ZNF502: variants seen among roughly 807,000 people sequenced by gnomAD.
ZNF502 encodes the protein zinc finger protein 502.
A neutral mutation model predicts 43.6 loss-of-function variants in ZNF502; 29 were observed. The observed-to-expected ratio is 0.67, with a 90% CI of 0.50 to 0.91. The LOEUF is 0.91. Ranked by LOEUF, ZNF502 falls within the 40% of genes least tolerant of loss-of-function variation. The pLI is 0.00. For synonymous variants in ZNF502, 171 were observed against 207.4 expected (o/e 0.82, Z 1.51); for missense variants, 591 against 647.2 (o/e 0.91, Z 0.94).
At chr3:44,719,091 A>T (rs1016126868) in intron 1 of ZNF502, among the ~76,000 whole-genome samples, 1 of 151,144 alleles carries the variant, frequency 6.6e-6, no homozygotes, top group East Asian at 2.0e-4. Context: ...CTCCCGCCTC[A>T]TTCTCCCGAG....
intron 1 of ZNF502, among the ~76,000 whole-genome samples, chr3:44,716,695 G>A (rs998470100): frequency 2.6e-5 from 4 of 152,152 alleles, no homozygotes; most frequent in Admixed American, 1.3e-4. Context: ...CATTCGCACC[G>A]GTATGTGAGA....
At position 44,723,020 on chromosome 3, in the gene ZNF502, A is replaced by T. The variant is rs915237624; in HGVS notation, c.*568A>T. ...AAATCCATATCCATTCATTAAAAAA[A>T]TGAGATATAAAGCAACAACTGGGCT... On this transcript the variant is annotated 3_prime_UTR_variant, in exon 3 of 3. Transcript: ENST00000436624. 2 of 152,448 alleles carry T rather than the reference A, an allele frequency of 1.3e-5. No homozygotes were observed. The highest frequency in any genetic ancestry group is 2.9e-5 in the Non-Finnish European group (2 of 68,258). The allele number at this position is 152,448 out of a possible 1,614,324, so 9.4% of individuals were successfully genotyped here.
In ZNF502 at chr3:44,722,400, T is replaced by C; in HGVS notation, c.1583T>C (p.Phe528Ser). 1.2e-5 allele frequency: 19 copies of C among 1,614,128 alleles called. No homozygotes were observed. The highest frequency in any genetic ancestry group is 1.6e-5 in the Non-Finnish European group (19 of 1,180,020). ...PYECIECGKF[F>S]RHSSVLFRHQ... The stretch of plus-strand genomic sequence containing the variant: ...GAGTGTATTGAGTGTGGAAAGTTCT[T>C]CAGACATAGTTCAGTCCTTTTCAGA... The change falls in exon 3 of 3, where the codon TTC becomes TCC. Residue 528 changes from phenylalanine to serine, a missense_variant. Coordinates refer to ENST00000436624, the MANE Select transcript of ZNF502 (RefSeq NM_001134442.3).
chr3:44,715,240 C>T lies in ZNF502; in HGVS notation c.-60+2500C>T, dbSNP rs78691198. Reference sequence around the variant, plus strand: ...AATGCCAGTATATGTGTGCATATTTCTTGTTTTTTAGTGTTTTGTATCTTC... The same window carrying T: ...AATGCCAGTATATGTGTGCATATTTTTTGTTTTTTAGTGTTTTGTATCTTC... On this transcript the variant is annotated intron_variant, in intron 1 of 2. Transcript: ENST00000436624. 1.2e-4 allele frequency among the ~76,000 whole-genome samples: 18 copies of T among 152,092 alleles called. No homozygotes were observed. The East Asian group carries it at 3.1e-3, about 26-fold the overall frequency.
chr3:44,722,501 T>C lies in ZNF502; in HGVS notation c.*49T>C, dbSNP rs1242213067. The C allele has an allele frequency of 6.4e-7, 1 of 1,555,082 alleles. No homozygotes were observed. The highest frequency in any genetic ancestry group is 1.2e-5 in the South Asian group (1 of 82,170). On this transcript the variant is annotated 3_prime_UTR_variant, in exon 3 of 3. Coordinates refer to ENST00000436624, the MANE Select transcript of ZNF502 (RefSeq NM_001134442.3). ...TTTCTCTAGCGAGGATGACTACGAA[T>C]CTGACTGGGAGTAGAGGGGCAGGTA...
chr3:44,712,878 G>T (rs1312474776), intron 1 of ZNF502, 138 bp downstream of exon 1: 1 of 152,684 alleles, frequency 6.5e-6, no homozygotes, highest in Admixed American at 6.5e-5. Flanking sequence ...GTGCTGCCCG[G>T]ACGTAGGGCA....
rs375338776 is a variant in ZNF502 at position 44,721,008 on chromosome 3, T to C, written c.191T>C (p.Met64Thr). The change falls in exon 3 of 3, where the codon ATG (methionine) becomes ACG (threonine). Residue 64 changes from methionine (M) to threonine (T), a missense_variant. Met to Thr is a moderately conservative substitution (Grantham distance 81). Transcript: ENST00000436624. ...TFEEKYACEGMKENSPREIAE... is the reference protein window; with the variant it reads ...TFEEKYACEGTKENSPREIAE... ...GAAGAAAAATATGCATGTGAGGGCA[T>C]GAAGGAAAACTCTCCTAGGGAGATT... is the stretch of plus-strand genomic sequence containing the variant. 1.2e-6 allele frequency: 2 copies of C among 1,614,192 alleles called. No individual in the cohort carries two copies. Among genetic ancestry groups the C allele is most frequent in the Non-Finnish European group, 8.5e-7 (1 of 1,180,034 alleles).
rs1171843993 is a variant in ZNF502 at position 44,722,500 on chromosome 3, A to T, written c.*48A>T. 6.4e-7 allele frequency: 1 copy of T among 1,555,766 alleles called. No individual in the cohort carries two copies. Among genetic ancestry groups the T allele is most frequent in the African/African-American group, 1.4e-5 (1 of 73,764 alleles). ...GTTTCTCTAGCGAGGATGACTACGAATCTGACTGGGAGTAGAGGGGCAGGT... is the reference window on the plus strand; with the variant it reads ...GTTTCTCTAGCGAGGATGACTACGATTCTGACTGGGAGTAGAGGGGCAGGT... On this transcript the variant is annotated 3_prime_UTR_variant, in exon 3 of 3. Transcript: ENST00000436624.
In ZNF502 at chr3:44,722,007, A is replaced by G. The variant is rs747048424; in HGVS notation, c.1190A>G (p.His397Arg). 2.5e-6 allele frequency: 4 copies of G among 1,614,240 alleles called. No homozygotes were observed. The highest frequency in any genetic ancestry group is 4.5e-5 in the East Asian group (2 of 44,890). The change falls in exon 3 of 3, where the codon CAT (histidine) becomes CGT (arginine). Residue 397 changes from histidine (H) to arginine (R), a missense_variant. Physicochemically the swap from His to Arg is conservative, Grantham distance 29 (BLOSUM62 0). Coordinates refer to ENST00000436624, the MANE Select transcript of ZNF502 (RefSeq NM_001134442.3). ...AFTQSTPLTKHQRIHTGERPY... is the reference protein window; with the variant it reads ...AFTQSTPLTKRQRIHTGERPY... ...ACTCAGAGCACCCCACTCACTAAACATCAGAGAATACATACAGGGGAGAGA... is the reference window on the plus strand; with the variant it reads ...ACTCAGAGCACCCCACTCACTAAACGTCAGAGAATACATACAGGGGAGAGA...
In ZNF502 at chr3:44,723,474, G is replaced by A. The variant is rs900928016; in HGVS notation, c.*1022G>A. 1.2e-4 allele frequency: 18 copies of A among 151,810 alleles called. No individual in the cohort carries two copies. Among genetic ancestry groups the A allele is most frequent in the Admixed American group, 5.3e-4 (8 of 15,222 alleles). The allele number at this position is 151,810 out of a possible 1,614,324, so 9.4% of individuals were successfully genotyped here. Reference sequence around the variant, plus strand: ...TTAGTTTGTTGGTCTTTAGGAGAAAGCATTAGTAATGAAAGAAGAAAGAAT... The same window carrying A: ...TTAGTTTGTTGGTCTTTAGGAGAAAACATTAGTAATGAAAGAAGAAAGAAT... On this transcript the variant is annotated 3_prime_UTR_variant, in exon 3 of 3. Transcript: ENST00000436624.
At chr3:44,720,751 T>TG (rs1171000109) in intron 2 of ZNF502, 122 bp from the exon 3 acceptor site, 15 of 1,090,834 alleles carry the variant, frequency 1.4e-5, no homozygotes, top group Admixed American at 2.5e-5. Context: ...TTGCCACACT[T>TG]GCTGTTACTG....
rs1393014305 is a variant in ZNF502, at chr3:44,722,302, G to A, written c.1485G>A (p.Glu495=). 2.5e-6 allele frequency: 4 copies of A among 1,614,210 alleles called. No homozygotes were observed. In the Admixed American group the frequency reaches 6.7e-5, roughly 27 times the overall value. The change falls in exon 3 of 3, where the codon GAG becomes GAA. Residue 495 remains glutamate (E), a synonymous_variant. Transcript: ENST00000436624. ...HTGEKLYKCS[E]CEKTFRKYAH... The stretch of plus-strand genomic sequence containing the variant: ...GTGAGAAGCTCTATAAATGTAGTGA[G>A]TGTGAGAAAACCTTCCGCAAGTATG...
chr3:44,720,172 C>A, intron 1 of ZNF502, 31 bp from the exon 2 acceptor site: 2 of 1,394,606 alleles, frequency 1.4e-6, no homozygotes, highest in Non-Finnish European at 2.0e-6. Flanking sequence ...AATATTCCCT[C>A]CCTCCCTGCA....
Position 44,721,877 on chromosome 3 carries a change from A to C in ZNF502, c.1060A>C (p.Lys354Gln), listed in dbSNP as rs1439807679. 17 of 1,613,906 alleles carry C rather than the reference A, an allele frequency of 1.1e-5. No homozygotes were observed. Among genetic ancestry groups the C allele is most frequent in the Non-Finnish European group, 1.4e-5 (17 of 1,179,914 alleles). Residue 354 changes from lysine to glutamine, a missense_variant, in exon 3 of 3, where the codon AAA (lysine) becomes CAA (glutamine). Transcript: ENST00000436624. ...IHSGEKPYKC[K>Q]ECGKAFCQSP... ...TAGTGGAGAGAAACCCTATAAATGT[A>C]AAGAATGTGGCAAAGCCTTTTGTCA...
chr3:44,720,296 T>G lies in ZNF502; in HGVS notation c.35T>G (p.Ile12Ser). Residue 12 changes from isoleucine to serine, a missense_variant, in exon 2 of 3, where the codon ATT becomes AGT. Physicochemically the swap from Ile to Ser is moderately radical, Grantham distance 142. Coordinates refer to ENST00000436624, the MANE Select transcript of ZNF502 (RefSeq NM_001134442.3). ...LNMQGAEERD[I>S]RRETCPGWVN... The stretch of plus-strand genomic sequence containing the variant: ...ATGCAAGGAGCTGAAGAGAGAGACA[T>G]TAGAAGAGAGACTTGTCCAGGTGAG... 1 of 1,613,960 alleles carries G rather than the reference T, an allele frequency of 6.2e-7. No individual in the cohort carries two copies. The highest frequency in any genetic ancestry group is 1.1e-5 in the South Asian group (1 of 91,066).
Position 44,721,673 on chromosome 3 carries a change from C to T in ZNF502, c.856C>T (p.Gln286Ter), listed in dbSNP as rs1299153970. The T allele has an allele frequency of 9.3e-6, 15 of 1,613,904 alleles. No homozygotes were observed. Among genetic ancestry groups the T allele is most frequent in the African/African-American group, 2.7e-5 (2 of 74,918 alleles). The change falls in exon 3 of 3, where the codon CAG becomes TAG. Residue 286 changes from glutamine (Q) to a stop codon, truncating the protein, a stop_gained. Transcript: ENST00000436624. LOFTEE classifies it high-confidence loss of function. ...TCAGAATACACACCTTATTCATCAT[C>T]AGAGAATTCACACTGGTGAGAAGCC... Reference protein sequence around the residue: ...FNQNTHLIHHQRIHTGEKPYI... With the variant: ...FNQNTHLIHH
At chr3:44,713,771 G>A (rs1704080139) in intron 1 of ZNF502, among the ~76,000 whole-genome samples, 1 of 151,994 alleles carries the variant, frequency 6.6e-6, no homozygotes, top group Non-Finnish European at 1.5e-5. Flanking sequence ...GTAGAAACGG[G>A]GTTTCACAGT....
At chr3:44,716,188 C>CTTTTT (rs545864492) in intron 1 of ZNF502, among the ~76,000 whole-genome samples, 1 of 138,692 alleles carries the variant, frequency 7.2e-6, no homozygotes, top group African/African-American at 2.6e-5. Context: ...AGAATATAGT[C>CTTTTT]TTTTTTTTTT....
At chr3:44,713,809 A>G (rs576142704) in intron 1 of ZNF502, among the ~76,000 whole-genome samples, 1 of 152,110 alleles carries the variant, frequency 6.6e-6, no homozygotes, top group Non-Finnish European at 1.5e-5. Context: ...CGAACTCCCA[A>G]CCTCAAGTGA....
Sources: gnomAD v4.1 joint callset for allele counts (sites outside exome capture counted in the v4.1 genomes callset) on GRCh38, gnomAD v4.1.1 for gene constraint, MANE v1.5 for transcripts, NCBI Gene and HGNC (gene_info 2026-07-23, HGNC 2026-07-21) for gene names.